The following ASTN2 variants were observed in gnomAD, a reference collection of about 807,000 sequenced individuals.
ASTN2 encodes the protein astrotactin-2.
A neutral mutation model predicts 139.8 loss-of-function variants in ASTN2; 54 were observed. The ratio of observed to expected loss-of-function variants is 0.39; its 90% CI spans 0.31 to 0.48. ASTN2 has a LOEUF of 0.48. ASTN2 is among the 20% of genes least tolerant of loss of function. ASTN2 has a pLI of 0.95. For synonymous variants in ASTN2, 756 were observed against 719.5 expected (o/e 1.05, Z -0.81); for missense variants, 1,565 against 1,725.1 (o/e 0.91, Z 1.64).
At chr9:117,044,961 TG>T (rs1412797453) in intron 5 of ASTN2, among the ~76,000 whole-genome samples, 3 of 152,182 alleles carry the variant, frequency 2.0e-5, no homozygotes, top group Admixed American at 1.3e-4. Flanking sequence ...CACCCAATTT[TG>T]TATGTTACAG....
At position 116,698,155 on chromosome 9, in the gene ASTN2, T is replaced by C. The variant is rs918796736; in HGVS notation, c.2806+27616A>G. On this transcript the variant is annotated intron_variant, in intron 16 of 22. Transcript: ENST00000313400. This position sits in a 1 kb window ranked among gnomAD's most constrained non-coding sequence, Gnocchi z 4.4. ...CCTCCTGGCCACTGTACACTCCCTG[T>C]CAAAGAAGCAGCTGAGGAGCGGCGT... 6.2e-7 allele frequency: 1 copy of C among 1,613,998 alleles called. No homozygotes were observed. The highest frequency in any genetic ancestry group is 8.5e-7 in the Non-Finnish European group (1 of 1,180,030).
At chr9:116,438,278 C>T (rs1481768306) in intron 22 of ASTN2, among the ~76,000 whole-genome samples, 1 of 152,344 alleles carries the variant, frequency 6.6e-6, no homozygotes, top group East Asian at 1.9e-4. Context: ...AGGGATCTTT[C>T]TCCTTTAATG....
chr9:116,801,585 C>CAAAAA (rs397893932), intron 13 of ASTN2, among the ~76,000 whole-genome samples: 134 of 60,382 alleles, frequency 2.2e-3, no homozygotes, highest in East Asian at 3.1e-3. Flanking sequence ...GGCTCTGTCT[C>CAAAAA]AAAAAAAAAA....
intron 19 of ASTN2, 69 bp from the exon 20 acceptor site, chr9:116,487,569 C>G: frequency 6.9e-7 from 1 of 1,452,808 alleles, no homozygotes; most frequent in Non-Finnish European, 9.2e-7. Flanking sequence ...TTGCTGTCAT[C>G]CAAACCTATC....
At chr9:116,934,241 T>C (rs980778290) in intron 10 of ASTN2, among the ~76,000 whole-genome samples, 1 of 152,092 alleles carries the variant, frequency 6.6e-6, no homozygotes, top group Non-Finnish European at 1.5e-5. Context: ...CGATTTCTTT[T>C]CTCAACAGTC....
chr9:116,618,235 G>A, intron 19 of ASTN2, 89 bp downstream of exon 19: 1 of 1,399,586 alleles, frequency 7.1e-7, no homozygotes, highest in Non-Finnish European at 9.7e-7. Context: ...TCCCAAGACA[G>A]ATGAGACCAA....
chr9:116,684,249 C>A (rs1860062885), intron 16 of ASTN2, among the ~76,000 whole-genome samples: 1 of 152,126 alleles, frequency 6.6e-6, no homozygotes, highest in Non-Finnish European at 1.5e-5. Flanking sequence ...AATAATTATT[C>A]TTGCTGCACT....
intron 2 of ASTN2, among the ~76,000 whole-genome samples, chr9:117,233,878 T>C (rs1832968692): frequency 6.6e-6 from 1 of 152,170 alleles, no homozygotes; most frequent in African/African-American, 2.4e-5. Flanking sequence ...TGTTTCTGTG[T>C]CTCTTGTCTC....
intron 20 of ASTN2, among the ~76,000 whole-genome samples, chr9:116,451,212 TG>T (rs1160392332): frequency 2.6e-5 from 4 of 152,238 alleles, no homozygotes; most frequent in African/African-American, 9.6e-5. Flanking sequence ...TGAAATTCAC[TG>T]GTATGTGAGC....
intron 10 of ASTN2, among the ~76,000 whole-genome samples, chr9:116,945,154 A>G (rs1353579779): frequency 6.6e-6 from 1 of 152,250 alleles, no homozygotes; most frequent in Non-Finnish European, 1.5e-5. Flanking sequence ...GTGAGCAACT[A>G]TAACAGTGTA....
intron 2 of ASTN2, among the ~76,000 whole-genome samples, chr9:117,277,835 C>T (rs1402372429): frequency 6.6e-6 from 1 of 152,166 alleles, no homozygotes; most frequent in Non-Finnish European, 1.5e-5. Context: ...AAATAATGCA[C>T]ATAAACTTCC....
rs541362317 is a variant in ASTN2, at chr9:116,876,328, G to A, written c.1890-12595C>T. The stretch of plus-strand genomic sequence containing the variant: ...AATCTCATGATAAAACTAATGAGAA[G>A]TTGCTTCTTGTGGAGGAGCAAAGAA... On this transcript the variant is annotated intron_variant, in intron 10 of 22. Transcript: ENST00000313400. 5.3e-4 allele frequency among the ~76,000 whole-genome samples: 81 copies of A among 152,312 alleles called. No homozygotes were observed. The Middle Eastern group carries it at 0.017, about 32-fold the overall frequency.
intron 1 of ASTN2, among the ~76,000 whole-genome samples, chr9:117,400,035 G>A (rs558758526): frequency 6.6e-6 from 1 of 152,260 alleles, no homozygotes; most frequent in African/African-American, 2.4e-5. Flanking sequence ...ACATCTGTAG[G>A]CACATGGGAT....
At chr9:117,104,191 T>A (rs1360082162) in intron 4 of ASTN2, among the ~76,000 whole-genome samples, 3 of 152,222 alleles carry the variant, frequency 2.0e-5, no homozygotes, top group African/African-American at 7.2e-5. Flanking sequence ...TGAAAACCTA[T>A]ATATGATAAA....
In ASTN2 at chr9:116,828,818, ATCAAGTT is replaced by A. The variant is rs551584368; in HGVS notation, c.2041-8042_2041-8036del. Reference sequence around the variant, plus strand: ...ATATCTAAAAATCCCTAAAGACTCTATCAAGTTTCAAGATAAAAAATAAGATGCAGAA... The same window carrying A: ...ATATCTAAAAATCCCTAAAGACTCTATCAAGATAAAAAATAAGATGCAGAA... On this transcript the variant is annotated intron_variant, in intron 11 of 22. Coordinates refer to ENST00000313400, the MANE Select transcript of ASTN2 (RefSeq NM_001365068.1). Among the ~76,000 whole-genome samples the A allele has an allele frequency of 7.2e-5, 11 of 152,302 alleles. No homozygotes were observed. The South Asian group carries it at 2.3e-3, about 32-fold the overall frequency.
chr9:116,738,799 C>G (rs201750833), intron 13 of ASTN2, among the ~76,000 whole-genome samples: 1 of 152,328 alleles, frequency 6.6e-6, no homozygotes, highest in Admixed American at 6.5e-5. Flanking sequence ...TAGCTTCCAG[C>G]TGAGAGCCCA....
intron 3 of ASTN2, among the ~76,000 whole-genome samples, chr9:117,175,423 T>C (rs1830892923): frequency 6.6e-6 from 1 of 152,160 alleles, no homozygotes; most frequent in Admixed American, 6.5e-5. Flanking sequence ...GCAAGCCTTT[T>C]CATAAATAAG....
chr9:117,153,655 A>G (rs922524621), intron 3 of ASTN2, among the ~76,000 whole-genome samples: 2 of 152,256 alleles, frequency 1.3e-5, no homozygotes, highest in Admixed American at 6.5e-5. Flanking sequence ...AATAAACATG[A>G]TTTAATAAAT....
At chr9:116,634,589 C>CAAAAAAAAAAAAAAA (rs57882262) in intron 17 of ASTN2, among the ~76,000 whole-genome samples, 2 of 104,212 alleles carry the variant, frequency 1.9e-5, no homozygotes, top group Non-Finnish European at 1.9e-5. Flanking sequence ...GACTCCGTCT[C>CAAAAAAAAAAAAAAA]AAAAAAAAAA....
Sources: gnomAD v4.1 joint callset for allele counts (sites outside exome capture counted in the v4.1 genomes callset) on GRCh38, gnomAD v4.1.1 for gene constraint, Gnocchi (gnomAD v3.1) non-coding constraint, MANE v1.5 for transcripts, NCBI Gene and HGNC (gene_info 2026-07-23, HGNC 2026-07-21) for gene names.